EPM2A: variants seen among roughly 807,000 people sequenced by gnomAD.
EPM2A encodes the protein EPM2A glucan phosphatase, laforin, also known as laforin.
In EPM2A, 21 loss-of-function variants were observed where a neutral mutation model predicts 26.5. The ratio of observed to expected loss-of-function variants is 0.79; its 90% CI spans 0.56 to 1.14. EPM2A has a LOEUF of 1.14. EPM2A is among the 50% of genes most tolerant of loss of function. The pLI is 0.00. For synonymous variants in EPM2A, 217 were observed against 177.6 expected, an observed-to-expected ratio of 1.22 and a Z score of -1.76; for missense variants, 458 against 440.8, an observed-to-expected ratio of 1.04 and a Z score of -0.35.
chr6:145,612,878 ACTGACTGATCAGGGTGGCAGCTG>A (rs1775422843), intron 2 of EPM2A, among the ~76,000 whole-genome samples: 1 of 151,964 alleles, frequency 6.6e-6, no homozygotes, highest in Non-Finnish European at 1.5e-5. Flanking sequence ...TGTTGATGGC[ACTGACTGATCAGGGTGGCAGCTG>A]CTGACTGATC....
At chr6:145,566,889 T>G (rs186257029) in intron 2 of EPM2A, among the ~76,000 whole-genome samples, 1 of 152,242 alleles carries the variant, frequency 6.6e-6, no homozygotes, top group Non-Finnish European at 1.5e-5. Flanking sequence ...CTGATGCCTG[T>G]GTCAAATTCA....
At chr6:145,443,125 C>G (rs1409633093) in intron 4 of EPM2A, among the ~76,000 whole-genome samples, 1 of 152,168 alleles carries the variant, frequency 6.6e-6, no homozygotes, top group African/African-American at 2.4e-5. Context: ...CCTGCCTCGG[C>G]CTCCCAAAGT....
At chr6:145,496,831 G>T (rs1327778690), downstream of EPM2A, among the ~76,000 whole-genome samples, 1 of 148,196 alleles carries the variant, frequency 6.7e-6, no homozygotes, top group Non-Finnish European at 1.5e-5. Flanking sequence ...TCCGCTTCCT[G>T]GGTTCACGCC....
intron 2 of EPM2A, among the ~76,000 whole-genome samples, chr6:145,616,387 T>C (rs544644733): frequency 6.6e-6 from 1 of 152,358 alleles, no homozygotes; most frequent in African/African-American, 2.4e-5. Flanking sequence ...ATGGAAATGC[T>C]TGGATGCCCA....
At chr6:145,610,401 T>C (rs1775368385) in intron 2 of EPM2A, among the ~76,000 whole-genome samples, 1 of 152,284 alleles carries the variant, frequency 6.6e-6, no homozygotes, top group South Asian at 2.1e-4. Flanking sequence ...ACTTCTGCCC[T>C]CTAAAGCAAA....
chr6:145,537,838 T>C (rs2114790877), intron 2 of EPM2A, among the ~76,000 whole-genome samples: 1 of 151,708 alleles, frequency 6.6e-6, no homozygotes, highest in South Asian at 2.1e-4. Flanking sequence ...CACTTATGAG[T>C]GAGAACATGC....
Position 145,625,848 on chromosome 6 carries a change from G to A in EPM2A, c.*1568C>T, listed in dbSNP as rs528989693. ...CACGCCTTCTAAATAAGAGTCTCTTGCATCTATCAATATGTGTTTGTGGAA... is the reference window on the plus strand; with the variant it reads ...CACGCCTTCTAAATAAGAGTCTCTTACATCTATCAATATGTGTTTGTGGAA... On this transcript the variant is annotated 3_prime_UTR_variant, in exon 4 of 4. Coordinates refer to ENST00000367519, the MANE Select transcript of EPM2A (RefSeq NM_005670.4). 49 of 1,540,380 alleles carry A rather than the reference G, an allele frequency of 3.2e-5. No homozygotes were observed. Among genetic ancestry groups the A allele is most frequent in the African/African-American group, 5.5e-5 (4 of 72,834 alleles).
At chr6:145,429,995 G>C (rs907282555) in intron 4 of EPM2A, among the ~76,000 whole-genome samples, 2 of 152,106 alleles carry the variant, frequency 1.3e-5, no homozygotes, top group Non-Finnish European at 2.9e-5. Context: ...TCAGGAGTTC[G>C]AGACCAGCCT....
chr6:145,466,450 T>G (rs1468076944), intron 4 of EPM2A, among the ~76,000 whole-genome samples: 1 of 152,022 alleles, frequency 6.6e-6, no homozygotes, highest in East Asian at 1.9e-4. Context: ...GAGATACCAT[T>G]TCACACCAGT....
At chr6:145,541,617 C>T (rs1780511969) in intron 2 of EPM2A, among the ~76,000 whole-genome samples, 1 of 152,064 alleles carries the variant, frequency 6.6e-6, no homozygotes, top group African/African-American at 2.4e-5. Flanking sequence ...TTTGTATTCT[C>T]AGCATTGGCA....
chr6:145,431,845 A>C (rs1778925253), intron 4 of EPM2A, among the ~76,000 whole-genome samples: 1 of 152,180 alleles, frequency 6.6e-6, no homozygotes, highest in Non-Finnish European at 1.5e-5. Context: ...CCCACAATAG[A>C]ACTTCTTTTG....
At chr6:145,456,248 T>C (rs1351429013) in intron 4 of EPM2A, among the ~76,000 whole-genome samples, 1 of 152,226 alleles carries the variant, frequency 6.6e-6, no homozygotes, top group Non-Finnish European at 1.5e-5. Flanking sequence ...CAAAGTATAA[T>C]AGAAATTACC....
At chr6:145,541,766 A>G (rs1780513790) in intron 2 of EPM2A, among the ~76,000 whole-genome samples, 1 of 152,188 alleles carries the variant, frequency 6.6e-6, no homozygotes, top group Non-Finnish European at 1.5e-5. Context: ...TAACATGAGT[A>G]TCTTTAATTT....
intron 2 of EPM2A, among the ~76,000 whole-genome samples, chr6:145,644,354 C>A (rs1296416146): frequency 6.6e-6 from 1 of 152,152 alleles, no homozygotes; most frequent in Non-Finnish European, 1.5e-5. Context: ...GAATCACCTT[C>A]CTTGGTTCTA....
chr6:145,704,421 A>G (rs1245498044), intron 1 of EPM2A, among the ~76,000 whole-genome samples: 1 of 152,256 alleles, frequency 6.6e-6, no homozygotes, highest in African/African-American at 2.4e-5. Flanking sequence ...ATTTGAAAAG[A>G]TTTTAAGAAT....
At chr6:145,512,310 A>T (rs554301272) in intron 2 of EPM2A, among the ~76,000 whole-genome samples, 1 of 152,314 alleles carries the variant, frequency 6.6e-6, no homozygotes, top group Admixed American at 6.5e-5. Context: ...AAGCATAAAG[A>T]ACAAATCTGA....
At chr6:145,712,387 A>G (rs1395123907) in intron 1 of EPM2A, among the ~76,000 whole-genome samples, 1 of 152,174 alleles carries the variant, frequency 6.6e-6, no homozygotes, top group Non-Finnish European at 1.5e-5. Context: ...TCAGCTGCAG[A>G]CAACAGCAGG....
chr6:145,612,759 T>A (rs988161761), intron 2 of EPM2A, among the ~76,000 whole-genome samples: 11 of 146,780 alleles, frequency 7.5e-5, no homozygotes, highest in South Asian at 2.1e-4. Context: ...TATATGTATT[T>A]TATATATATA....
At chr6:145,612,456 G>T (rs7772550) in intron 2 of EPM2A, among the ~76,000 whole-genome samples, 10,178 of 151,886 alleles carry the variant, frequency 0.067, 1,146 homozygotes, top group African/African-American at 0.23. Flanking sequence ...TTTTTTATTT[G>T]CTCAAGAATA....
Sources: allele counts gnomAD v4.1 joint callset (sites outside exome capture counted in the v4.1 genomes callset), GRCh38; gene constraint gnomAD v4.1.1; transcripts MANE v1.5; gene names NCBI Gene and HGNC (gene_info 2026-07-23, HGNC 2026-07-21).